Variants in SYT1 observed in about 807,000 individuals in gnomAD.
SYT1 encodes the protein synaptotagmin-1.
A neutral mutation model predicts 44.8 loss-of-function variants in SYT1; 8 were observed. That is an observed-to-expected ratio of 0.18 (90% CI 0.10 to 0.32). The LOEUF (loss-of-function observed/expected upper bound fraction) is 0.32. Among genes scored for constraint, SYT1 ranks in the 10% least tolerant of loss-of-function variants. SYT1 has a pLI of 1.00. For missense variants in SYT1, 286 were observed against 509.3 expected (o/e 0.56, Z 4.22); for synonymous variants, 154 against 188.8 (o/e 0.82, Z 1.51).
intron 1 of SYT1, among the ~76,000 whole-genome samples, chr12:78,870,647 C>T (rs958316811): frequency 1.3e-5 from 2 of 152,022 alleles, no homozygotes; most frequent in Non-Finnish European, 2.9e-5. Flanking sequence ...ATTTCAGTCC[C>T]TTGAGAATAG....
At chr12:79,265,105 A>C (rs1301862961) in intron 4 of SYT1, among the ~76,000 whole-genome samples, 2 of 152,148 alleles carry the variant, frequency 1.3e-5, no homozygotes, top group African/African-American at 2.4e-5. Context: ...GTTTAACAGG[A>C]ATTGCTGACA....
chr12:79,079,644 G>A (rs976446593), intron 3 of SYT1, among the ~76,000 whole-genome samples: 28 of 151,766 alleles, frequency 1.8e-4, no homozygotes, highest in Admixed American at 6.6e-4. Context: ...TTTCATTGTA[G>A]CAATGTTCTA....
chr12:79,110,366 A>G (rs1003843534), intron 3 of SYT1, among the ~76,000 whole-genome samples: 2 of 152,308 alleles, frequency 1.3e-5, no homozygotes, highest in Non-Finnish European at 2.9e-5. Flanking sequence ...TCATATTGCT[A>G]TGGAGCAATT....
chr12:78,935,463 G>C (rs1256763034), intron 1 of SYT1, among the ~76,000 whole-genome samples: 1 of 152,054 alleles, frequency 6.6e-6, no homozygotes, highest in Non-Finnish European at 1.5e-5. Flanking sequence ...CAGAAGAAAG[G>C]CTATATACTA....
At chr12:78,933,159 T>TCTCTCTTTATCATCTTG (rs1877849590) in intron 1 of SYT1, among the ~76,000 whole-genome samples, 1 of 152,140 alleles carries the variant, frequency 6.6e-6, no homozygotes, top group Non-Finnish European at 1.5e-5. Context: ...TATTTCCTCA[T>TCTCTCTTTATCATCTTG]CTCTCTTTAT....
intron 2 of SYT1, among the ~76,000 whole-genome samples, chr12:79,013,144 G>A (rs1349200479): frequency 6.6e-6 from 1 of 152,020 alleles, no homozygotes; most frequent in Non-Finnish European, 1.5e-5. Context: ...ATCTTGTAGA[G>A]TGCACTTCTC....
intron 4 of SYT1, among the ~76,000 whole-genome samples, chr12:79,279,056 G>C (rs1260190859): frequency 1.4e-5 from 2 of 144,708 alleles, no homozygotes; most frequent in African/African-American, 5.1e-5. Flanking sequence ...CCCAGAACTA[G>C]ATGAATTCAT....
intron 9 of SYT1, among the ~76,000 whole-genome samples, chr12:79,395,862 A>G (rs1414176304): frequency 1.3e-5 from 2 of 152,208 alleles, no homozygotes; most frequent in Non-Finnish European, 2.9e-5. Flanking sequence ...ATTTAAAATA[A>G]CATACTCAGT....
chr12:78,963,765 G>A (rs1431367899), intron 1 of SYT1, among the ~76,000 whole-genome samples: 1 of 152,002 alleles, frequency 6.6e-6, no homozygotes, highest in African/African-American at 2.4e-5. Context: ...GCAAGAGGAG[G>A]CTTCTCAGAA....
At chr12:79,096,033 T>A (rs987476040) in intron 3 of SYT1, among the ~76,000 whole-genome samples, 3 of 151,806 alleles carry the variant, frequency 2.0e-5, no homozygotes, top group East Asian at 1.9e-4. Flanking sequence ...TATGGGAGGA[T>A]GAGGGGAAGA....
In SYT1 at chr12:79,024,303, T is replaced by C. The variant is rs529048131; in HGVS notation, c.-83-22994T>C. Reference sequence around the variant, plus strand: ...ATTCGAGGATGGGTTGGAGAGCACCTATCCCAAGCTTCTGTTTGTGCCTAT... The same window carrying C: ...ATTCGAGGATGGGTTGGAGAGCACCCATCCCAAGCTTCTGTTTGTGCCTAT... On this transcript the variant is annotated intron_variant, in intron 2 of 10. Coordinates refer to ENST00000261205, the MANE Select transcript of SYT1 (RefSeq NM_005639.3). Among the ~76,000 whole-genome samples the C allele has an allele frequency of 2.7e-3, 409 of 151,902 alleles. 2 individuals carry two copies. The highest frequency in any genetic ancestry group is 3.1e-3 in the Non-Finnish European group (211 of 67,848).
At chr12:78,905,153 T>C (rs983590448) in intron 1 of SYT1, among the ~76,000 whole-genome samples, 3 of 152,200 alleles carry the variant, frequency 2.0e-5, no homozygotes, top group Admixed American at 1.3e-4. Flanking sequence ...TGTCTTCCTG[T>C]TTTCTGTGGG....
intron 1 of SYT1, among the ~76,000 whole-genome samples, chr12:78,896,519 GGAAA>G (rs1371131029): frequency 6.6e-6 from 1 of 151,656 alleles, no homozygotes; most frequent in Non-Finnish European, 1.5e-5. Context: ...ATGTTTTTAA[GGAAA>G]GAGAGAACAA....
chr12:79,154,524 T>C (rs980350476), intron 3 of SYT1, among the ~76,000 whole-genome samples: 2 of 152,030 alleles, frequency 1.3e-5, no homozygotes, highest in South Asian at 4.1e-4. Context: ...CCAGAATCTA[T>C]GCTTTACACC....
intron 4 of SYT1, among the ~76,000 whole-genome samples, chr12:79,258,665 G>A (rs934585500): frequency 4.6e-5 from 7 of 152,088 alleles, no homozygotes; most frequent in Admixed American, 3.9e-4. Context: ...TGTAATAAAA[G>A]CATAAAGAAA....
At chr12:79,377,892 A>G (rs1884066006) in intron 9 of SYT1, among the ~76,000 whole-genome samples, 2 of 152,214 alleles carry the variant, frequency 1.3e-5, no homozygotes, top group Admixed American at 1.3e-4. Context: ...GAGATGTCTA[A>G]TATGCAGTTA....
At chr12:79,151,457 T>G (rs756234642) in intron 3 of SYT1, among the ~76,000 whole-genome samples, 2 of 152,184 alleles carry the variant, frequency 1.3e-5, no homozygotes, top group Non-Finnish European at 2.9e-5. Flanking sequence ...TAGAGGCACA[T>G]CACTGAAGGG....
intron 3 of SYT1, among the ~76,000 whole-genome samples, chr12:79,106,397 C>A (rs1172125582): frequency 6.6e-6 from 1 of 151,848 alleles, no homozygotes; most frequent in African/African-American, 2.4e-5. Flanking sequence ...TTCTACATGT[C>A]AATTGCTGGA....
At chr12:79,045,398 T>C (rs61929013) in intron 2 of SYT1, among the ~76,000 whole-genome samples, 30,323 of 152,148 alleles carry the variant, frequency 0.2, 3,367 homozygotes, top group East Asian at 0.3. Flanking sequence ...GTGCGTCTGT[T>C]ACCCCTTTCT....
Sources: allele counts gnomAD v4.1 joint callset (sites outside exome capture counted in the v4.1 genomes callset), GRCh38; gene constraint gnomAD v4.1.1; transcripts MANE v1.5; gene names NCBI Gene and HGNC (gene_info 2026-07-23, HGNC 2026-07-21).